USP6NL: variants seen among roughly 807,000 people sequenced by gnomAD.
The protein encoded by USP6NL is USP6 N-terminal-like protein.
Under a neutral mutation model 61.9 loss-of-function variants are expected in USP6NL, and 26 were observed. The ratio of observed to expected loss-of-function variants is 0.42; its 90% CI spans 0.31 to 0.58. The LOEUF (loss-of-function observed/expected upper bound fraction) is 0.58. Ranked by LOEUF, USP6NL falls within the 20% of genes least tolerant of loss-of-function variation. The probability of loss-of-function intolerance (pLI) is 0.16; values close to 1 mark genes in which losing one functional copy is unlikely to be tolerated. For missense variants in USP6NL, 1,114 were observed against 1,034.3 expected (o/e 1.08, Z -1.06); for synonymous variants, 432 against 390.1 (o/e 1.11, Z -1.27).
rs1833248778 is a variant in USP6NL at position 11,482,667 on chromosome 10, T to C, written c.926-745A>G. On this transcript the variant is annotated intron_variant, in intron 13 of 14. Coordinates refer to ENST00000609104, the MANE Select transcript of USP6NL (RefSeq NM_014688.5). This position sits in a 1 kb window ranked among gnomAD's most constrained non-coding sequence, Gnocchi z 4.0. ...TGTGTACTATATGTAAGCATTGTAA[T>C]TTACTTAAACAGTCTTCTATTAATG... is the stretch of plus-strand genomic sequence containing the variant. 6.6e-6 allele frequency among the ~76,000 whole-genome samples: 1 copy of C among 152,224 alleles called. No individual in the cohort carries two copies. The highest frequency in any genetic ancestry group is 1.5e-5 in the Non-Finnish European group (1 of 68,024).
At chr10:11,555,451 T>TATATATATAGAGAG (rs1427219382) in intron 2 of USP6NL, among the ~76,000 whole-genome samples, 6 of 61,002 alleles carry the variant, frequency 9.8e-5, no homozygotes, top group East Asian at 1.9e-3. Context: ...TATATATATA[T>TATATATATAGAGAG]AGAGAGAGAG....
At chr10:11,571,703 CT>C (rs992816524) in intron 2 of USP6NL, among the ~76,000 whole-genome samples, 3 of 147,996 alleles carry the variant, frequency 2.0e-5, no homozygotes, top group African/African-American at 2.5e-5. Context: ...GTCCATATGA[CT>C]TTTTTTTTCA....
At chr10:11,566,273 T>C (rs1451741608) in intron 2 of USP6NL, among the ~76,000 whole-genome samples, 1 of 152,176 alleles carries the variant, frequency 6.6e-6, no homozygotes, top group Non-Finnish European at 1.5e-5. Context: ...ATTCAGCAGG[T>C]TGGCATATAT....
chr10:11,510,837 G>A lies in USP6NL; in HGVS notation c.196-1162C>T, dbSNP rs1223281056. On this transcript the variant is annotated intron_variant, in intron 5 of 14. Transcript: ENST00000609104. This position sits in a 1 kb window ranked among gnomAD's most constrained non-coding sequence, Gnocchi z 4.8. ...TCCCAAGTCACCCCTCTCATAAGTG[G>A]TAGAAGACGGATTCAAAGCCAGGCA... Among the ~76,000 whole-genome samples the A allele has an allele frequency of 1.3e-5, 2 of 152,214 alleles. No individual in the cohort carries two copies. Among genetic ancestry groups the A allele is most frequent in the Non-Finnish European group, 2.9e-5 (2 of 68,038 alleles).
In USP6NL at chr10:11,485,396, A is replaced by C. The variant is rs1833417894; in HGVS notation, c.760-162T>G. Among the ~76,000 whole-genome samples, 1 of 152,214 alleles carries C rather than the reference A, an allele frequency of 6.6e-6. No homozygotes were observed. The highest frequency in any genetic ancestry group is 1.5e-5 in the Non-Finnish European group (1 of 68,008). ...TTCCTCTTAGGACTGTAATACAACA[A>C]TTAGATTCTCTTTAATATATTTTAC... On this transcript the variant is annotated intron_variant, in intron 11 of 14. Transcript: ENST00000609104. This position sits in a 1 kb window ranked among gnomAD's most constrained non-coding sequence, Gnocchi z 4.8.
chr10:11,562,474 G>A lies in USP6NL; in HGVS notation c.5-34907C>T. On this transcript the variant is annotated intron_variant, in intron 2 of 14. Transcript: ENST00000609104. This position sits in a 1 kb window ranked among gnomAD's most constrained non-coding sequence, Gnocchi z 4.8. ...GTCATCACGTATCTCTGAGGACAAG[G>A]ATTAAGTGTGGCTGAGGAGAAACGT... 2.0e-6 allele frequency: 2 copies of A among 985,386 alleles called. No individual in the cohort carries two copies. The highest frequency in any genetic ancestry group is 4.7e-5 in the South Asian group (1 of 21,278). 61.0% of individuals were successfully genotyped at this position (985,386 alleles called of 1,614,324 possible). A position where few individuals can be genotyped will look rare whatever the true frequency, so the allele number is the denominator to read the frequency against.
chr10:11,484,241 G>C (rs1021245054), intron 13 of USP6NL, among the ~76,000 whole-genome samples: 2 of 152,104 alleles, frequency 1.3e-5, no homozygotes, highest in African/African-American at 4.8e-5. Flanking sequence ...AGCTACAAGA[G>C]AAGTCACAGA....
intron 4 of USP6NL, among the ~76,000 whole-genome samples, chr10:11,524,099 T>C (rs1000932771): frequency 1.3e-5 from 2 of 152,212 alleles, no homozygotes; most frequent in Non-Finnish European, 2.9e-5. Context: ...TTAAAAACAG[T>C]ATTTCCATCA....
At chr10:11,565,689 G>A (rs1206835550) in intron 2 of USP6NL, 2 of 152,000 alleles carry the variant, frequency 1.3e-5, no homozygotes, top group Non-Finnish European at 2.9e-5. Context: ...CTGCAATGGT[G>A]ATGTGCATGT....
chr10:11,582,321 G>A (rs1383740863), intron 2 of USP6NL, among the ~76,000 whole-genome samples: 6 of 152,128 alleles, frequency 3.9e-5, no homozygotes, highest in South Asian at 4.2e-4. Context: ...GGTTAGTCTC[G>A]AACTCTGGAC....
At chr10:11,554,770 G>A (rs953914027) in intron 2 of USP6NL, among the ~76,000 whole-genome samples, 66 of 147,842 alleles carry the variant, frequency 4.5e-4, no homozygotes, top group Non-Finnish European at 8.7e-4. Flanking sequence ...AAGAAAAAAG[G>A]AAACAGAGAT....
rs1174824653 is a variant in USP6NL, at chr10:11,602,924, T to C, written c.-83-5207A>G. On this transcript the variant is annotated intron_variant, in intron 1 of 14. Coordinates refer to ENST00000609104, the MANE Select transcript of USP6NL (RefSeq NM_014688.5). The surrounding 1 kb of genome is among the most constrained non-coding windows in gnomAD (Gnocchi z 4.8). Reference sequence around the variant, plus strand: ...AAGTCTCAACACTGTACTTTCACAGTTCTTATGCTTTCCCTAAAGAATGCT... The same window carrying C: ...AAGTCTCAACACTGTACTTTCACAGCTCTTATGCTTTCCCTAAAGAATGCT... Among the ~76,000 whole-genome samples, 1 of 152,226 alleles carries C rather than the reference T, an allele frequency of 6.6e-6. No homozygotes were observed. Among genetic ancestry groups the C allele is most frequent in the Non-Finnish European group, 1.5e-5 (1 of 68,028 alleles).
chr10:11,573,762 G>T, intron 2 of USP6NL: 1 of 397,822 alleles, frequency 2.5e-6, no homozygotes, highest in South Asian at 1.3e-4. Context: ...TCTGCTTTCA[G>T]AAAGCTCAAG....
intron 5 of USP6NL, among the ~76,000 whole-genome samples, chr10:11,514,719 G>C (rs11257142): frequency 0.11 from 17,242 of 152,216 alleles, 1,290 homozygotes; most frequent in East Asian, 0.16. Flanking sequence ...CTGTAGTGGA[G>C]AAGATGTTCA....
intron 6 of USP6NL, among the ~76,000 whole-genome samples, chr10:11,506,012 C>A (rs1473301844): frequency 6.6e-6 from 1 of 152,198 alleles, no homozygotes; most frequent in East Asian, 1.9e-4. Flanking sequence ...TTTATAACTA[C>A]ATTCTACTTC....
intron 2 of USP6NL, among the ~76,000 whole-genome samples, chr10:11,555,433 A>AAATATAT (rs1275798295): frequency 1.0e-4 from 5 of 49,030 alleles, no homozygotes; most frequent in African/African-American, 4.7e-4. Context: ...AAAAAAAAAA[A>AAATATAT]ATATATATAT....
chr10:11,525,458 C>T lies in USP6NL; in HGVS notation c.83G>A (p.Gly28Asp), dbSNP rs1253324481. ...ATCTTCCCAAGGTTCAATCTCTGCA[C>T]CTTCTCGTCCCTAAAATAAGGCACA... ...IVAKYDRGRE[G>D]AEIEPWEDAD... The change falls in exon 4 of 15, where the codon GGT becomes GAT. Residue 28 changes from glycine (G) to aspartate (D), a missense_variant. Coordinates refer to ENST00000609104, the MANE Select transcript of USP6NL (RefSeq NM_014688.5). The surrounding 1 kb of genome is among the most constrained non-coding windows in gnomAD (Gnocchi z 5.0). The T allele has an allele frequency of 1.3e-6, 2 of 1,584,376 alleles. No homozygotes were observed. The highest frequency in any genetic ancestry group is 1.7e-6 in the Non-Finnish European group (2 of 1,171,662).
In USP6NL at chr10:11,470,882, C is replaced by A. The variant is rs968716549; in HGVS notation, c.1079-7033G>T. ...TAAAATTTTATTTTCCCTTTCCTCT[C>A]CCTAAAAACACAGGAATTGGAGGCC... On this transcript the variant is annotated intron_variant, in intron 14 of 14. Transcript: ENST00000609104. The surrounding 1 kb of genome is among the most constrained non-coding windows in gnomAD (Gnocchi z 5.4). 1.3e-5 allele frequency among the ~76,000 whole-genome samples: 2 copies of A among 152,204 alleles called. No individual in the cohort carries two copies. Among genetic ancestry groups the A allele is most frequent in the African/African-American group, 4.8e-5 (2 of 41,450 alleles).
Position 11,596,534 on chromosome 10 carries a change from G to T in USP6NL, c.4+1097C>A, listed in dbSNP as rs980736453. Among the ~76,000 whole-genome samples the T allele has an allele frequency of 1.3e-5, 2 of 151,602 alleles. No individual in the cohort carries two copies. Among genetic ancestry groups the T allele is most frequent in the Non-Finnish European group, 2.9e-5 (2 of 67,966 alleles). On this transcript the variant is annotated intron_variant, in intron 2 of 14. Coordinates refer to ENST00000609104, the MANE Select transcript of USP6NL (RefSeq NM_014688.5). This position sits in a 1 kb window ranked among gnomAD's most constrained non-coding sequence, Gnocchi z 4.1. ...AGCTACTCGGGAGGCTGAGGCAGGA[G>T]AATGGCGCGAACCCAGGAGGTGGAG...
Sources: gnomAD v4.1 joint callset for allele counts (sites outside exome capture counted in the v4.1 genomes callset) on GRCh38, gnomAD v4.1.1 for gene constraint, Gnocchi (gnomAD v3.1) non-coding constraint, MANE v1.5 for transcripts, NCBI Gene and HGNC (gene_info 2026-07-23, HGNC 2026-07-21) for gene names.